TYW1B: variants seen among roughly 807,000 people sequenced by gnomAD.
TYW1B encodes the protein S-adenosyl-L-methionine-dependent tRNA 4-demethylwyosine synthase TYW1B.
TYW1B carries 73 observed loss-of-function variants against 86.9 expected under a neutral mutation model. The observed-to-expected ratio is 0.84, with a 90% confidence interval of 0.70 to 1.02. The LOEUF is 1.02. TYW1B is among the 50% of genes least tolerant of loss of function. TYW1B has a pLI of 0.00. For synonymous variants in TYW1B, 248 were observed against 292.8 expected, an observed-to-expected ratio of 0.85 and a Z score of 1.56; for missense variants, 637 against 827.4, an observed-to-expected ratio of 0.77 and a Z score of 2.82.
intron 13 of TYW1B, among the ~76,000 whole-genome samples, chr7:72,593,704 C>A (rs1211531019): frequency 1.3e-5 from 2 of 151,430 alleles, no homozygotes; most frequent in African/African-American, 4.9e-5. Context: ...CGCCTGTAGT[C>A]CCAGCTACTC....
chr7:72,637,693 A>ATTT (rs1563040994), intron 11 of TYW1B, among the ~76,000 whole-genome samples: 19 of 145,400 alleles, frequency 1.3e-4, no homozygotes, highest in African/African-American at 4.6e-4. Flanking sequence ...TTTCTTTTTA[A>ATTT]AAAAAAAAAA....
intron 7 of TYW1B, among the ~76,000 whole-genome samples, chr7:72,758,732 C>T (rs1412954913): frequency 6.6e-6 from 1 of 152,132 alleles, no homozygotes; most frequent in Non-Finnish European, 1.5e-5. Flanking sequence ...TCACACATCC[C>T]TCTTGGGATG....
At chr7:72,715,885 G>A (rs142080115) in intron 9 of TYW1B, among the ~76,000 whole-genome samples, 3 of 152,270 alleles carry the variant, frequency 2.0e-5, no homozygotes, top group African/African-American at 7.2e-5. Context: ...GGAGAAGCGT[G>A]TTCATGTGTC....
chr7:72,756,201 TTTTTATTTTATTTTATTTTATTTTA>T (rs66806955), intron 7 of TYW1B, among the ~76,000 whole-genome samples: 1 of 138,788 alleles, frequency 7.2e-6, no homozygotes, highest in South Asian at 2.3e-4. Context: ...GTTTATTATT[TTTTTATTTTATTTTATTTTATTTTA>T]TTTTATTTTA....
chr7:72,764,321 C>T (rs1324497330), intron 7 of TYW1B, among the ~76,000 whole-genome samples: 19 of 152,264 alleles, frequency 1.2e-4, no homozygotes, highest in African/African-American at 4.6e-4. Flanking sequence ...GACTCTCTGT[C>T]GCCCAGACTG....
At chr7:72,593,897 G>C (rs1554432115) in intron 13 of TYW1B, among the ~76,000 whole-genome samples, 1 of 142,538 alleles carries the variant, frequency 7.0e-6, no homozygotes, top group African/African-American at 2.6e-5. Flanking sequence ...TAGAGATTAA[G>C]CAACACACCC....
intron 13 of TYW1B, among the ~76,000 whole-genome samples, chr7:72,582,414 C>A (rs564636907): frequency 6.6e-6 from 1 of 152,172 alleles, no homozygotes; most frequent in Non-Finnish European, 1.5e-5. Flanking sequence ...AGCTGAAAGA[C>A]AGTAGGTCCA....
intron 13 of TYW1B, among the ~76,000 whole-genome samples, chr7:72,605,555 T>C (rs1340847345): frequency 1.2e-4 from 18 of 152,068 alleles, no homozygotes; most frequent in Non-Finnish European, 2.4e-4. Context: ...GGTTTCACCA[T>C]ATTGGCCAGG....
chr7:72,777,328 A>G, intron 7 of TYW1B, 88 bp downstream of exon 7: 1 of 1,470,338 alleles, frequency 6.8e-7, no homozygotes, highest in Non-Finnish European at 9.4e-7. Context: ...ACAGCTGCTG[A>G]GCTAATTAGA....
rs1396906388 is a variant in TYW1B, at chr7:72,713,879, T to C, written c.1193-81A>G. The C allele has an allele frequency of 2.1e-6, 3 of 1,422,462 alleles. No homozygotes were observed. The African/African-American group carries it at 4.3e-5, about 20-fold the overall frequency. The allele number at this position is 1,422,462 out of a possible 1,614,324, so 88.1% of individuals were successfully genotyped here. On this transcript the variant is annotated intron_variant, in intron 9 of 13. Transcript: ENST00000620995. ...CGTTTTTCTTAATGATGCTTTGATT[T>C]TATAGAGCAAATTCATTTTTGATAC...
chr7:72,636,234 T>C (rs1812665349), intron 11 of TYW1B, among the ~76,000 whole-genome samples: 1 of 152,208 alleles, frequency 6.6e-6, no homozygotes, highest in Non-Finnish European at 1.5e-5. Context: ...TTTTAACTAA[T>C]ATTTAACTGA....
At position 72,617,511 on chromosome 7, in the gene TYW1B, C is replaced by T. The variant is rs555789153; in HGVS notation, c.1618-672G>A. Among the ~76,000 whole-genome samples, 122 of 152,164 alleles carry T rather than the reference C, an allele frequency of 8.0e-4. 1 individual carries two copies. Among genetic ancestry groups the T allele is most frequent in the African/African-American group, 2.6e-3 (110 of 41,510 alleles). Reference sequence around the variant, plus strand: ...CCTTCCGAGTAGCTGGGATTACAGGCGCCTGCCACCACGCCTGGCTAATTT... The same window carrying T: ...CCTTCCGAGTAGCTGGGATTACAGGTGCCTGCCACCACGCCTGGCTAATTT... On this transcript the variant is annotated intron_variant, in intron 12 of 13. Transcript: ENST00000620995.
intron 7 of TYW1B, among the ~76,000 whole-genome samples, chr7:72,776,143 C>T (rs1361976960): frequency 6.6e-6 from 1 of 151,510 alleles, no homozygotes; most frequent in African/African-American, 2.4e-5. Flanking sequence ...CAAGACCCGA[C>T]TCAACCAAAA....
At chr7:72,606,488 A>G (rs4717662) in intron 13 of TYW1B, among the ~76,000 whole-genome samples, 46,784 of 150,822 alleles carry the variant, frequency 0.31, 6,976 homozygotes, top group African/African-American at 0.34. Context: ...ACTACACAGA[A>G]AGCCTGGACT....
chr7:72,659,304 C>T (rs1345945432), intron 11 of TYW1B, among the ~76,000 whole-genome samples: 6 of 152,102 alleles, frequency 3.9e-5, no homozygotes, highest in African/African-American at 1.2e-4. Context: ...TATGGCAGGG[C>T]GTGGTGGCTC....
At chr7:72,756,347 G>A (rs368459310) in intron 7 of TYW1B, among the ~76,000 whole-genome samples, 3 of 151,714 alleles carry the variant, frequency 2.0e-5, no homozygotes, top group African/African-American at 7.3e-5. Context: ...CGATTCTCCC[G>A]CCTCAGCCTC....
chr7:72,714,161 C>T (rs1349793107), intron 9 of TYW1B, among the ~76,000 whole-genome samples: 5 of 152,066 alleles, frequency 3.3e-5, no homozygotes, highest in African/African-American at 9.7e-5. Flanking sequence ...TTCTTCTAGA[C>T]CAATCATTCC....
intron 13 of TYW1B, among the ~76,000 whole-genome samples, chr7:72,603,241 C>CGGAT (rs1811715374): frequency 7.0e-6 from 1 of 143,026 alleles, no homozygotes; most frequent in African/African-American, 2.6e-5. Flanking sequence ...AGATGATGGA[C>CGGAT]GGACGGATGG....
chr7:72,646,160 T>G (rs1812924514), intron 11 of TYW1B, among the ~76,000 whole-genome samples: 1 of 151,804 alleles, frequency 6.6e-6, no homozygotes, highest in South Asian at 2.1e-4. Flanking sequence ...CCTCAAAAGA[T>G]TCTCCTACCT....
Sources: gnomAD v4.1 joint callset for allele counts (sites outside exome capture counted in the v4.1 genomes callset) on GRCh38, gnomAD v4.1.1 for gene constraint, MANE v1.5 for transcripts, NCBI Gene and HGNC (gene_info 2026-07-23, HGNC 2026-07-21) for gene names.